SERINC2: variants seen among roughly 807,000 people sequenced by gnomAD.
SERINC2 encodes serine incorporator 2, also known as tumor differentially expressed protein 2.
SERINC2 carries 56 observed loss-of-function variants against 54.2 expected under a neutral mutation model. The ratio of observed to expected loss-of-function variants is 1.03; its 90% CI spans 0.83 to 1.29. The LOEUF (loss-of-function observed/expected upper bound fraction) is 1.29, where lower values mean the gene tolerates loss of function less well. SERINC2 is among the 50% of genes most tolerant of loss of function. The pLI, the probability that SERINC2 is intolerant of heterozygous loss-of-function variation, is 0.00. For synonymous variants in SERINC2, 272 were observed against 253.1 expected (o/e 1.07, Z -0.71); for missense variants, 614 against 607.4 (o/e 1.01, Z -0.12).
At position 31,413,952 on chromosome 1, in the gene SERINC2, C is replaced by T. The variant is rs1640710436; in HGVS notation, c.39+648C>T. ...TTTACCGTCCTCAGTCTGGCTCGCG[C>T]TGCCTCTCAGGCACTTCCCCAGCTC... On this transcript the variant is annotated intron_variant, in intron 1 of 9. Coordinates refer to ENST00000373709, the MANE Select transcript of SERINC2 (RefSeq NM_178865.5). This position sits in a 1 kb window ranked among gnomAD's most constrained non-coding sequence, Gnocchi z 5.0. 1 of 1,527,506 alleles carries T rather than the reference C, an allele frequency of 6.5e-7. No homozygotes were observed. The highest frequency in any genetic ancestry group is 1.4e-5 in the African/African-American group (1 of 72,642). 94.6% of individuals were successfully genotyped at this position (1,527,506 alleles called of 1,614,324 possible). A position where few individuals can be genotyped will look rare whatever the true frequency, so the allele number is the denominator to read the frequency against.
At chr1:31,414,269 C>G in intron 1 of SERINC2, 2 of 1,330,006 alleles carry the variant, frequency 1.5e-6, no homozygotes, top group Non-Finnish European at 1.9e-6. Context: ...CTTTCCCCAG[C>G]CCCCCTCTCC....
At chr1:31,431,776 AATAGGGTGG>A (rs1557499667) in intron 8 of SERINC2, among the ~76,000 whole-genome samples, 17 of 6,304 alleles carry the variant, frequency 2.7e-3, no homozygotes, top group Non-Finnish European at 3.3e-3. Context: ...GGAGAGGGTG[AATAGGGTGG>A]ATAGGGTGGA....
At chr1:31,433,961 C>T in intron 9 of SERINC2, 103 bp from the exon 10 acceptor site, 1 of 1,202,040 alleles carries the variant, frequency 8.3e-7, no homozygotes, top group Middle Eastern at 2.0e-4. Context: ...AGGGTAAGAG[C>T]CAGAGTTGAA....
At chr1:31,427,390 C>T (rs1413072954) in intron 6 of SERINC2, among the ~76,000 whole-genome samples, 1 of 152,192 alleles carries the variant, frequency 6.6e-6, no homozygotes, top group Non-Finnish European at 1.5e-5. Context: ...GATCTCAGCA[C>T]ACCGGCAGCT....
Position 31,433,082 on chromosome 1 carries a change from T to C in SERINC2, c.1129T>C (p.Phe377Leu). 1.9e-6 allele frequency: 3 copies of C among 1,613,544 alleles called. No homozygotes were observed. The highest frequency in any genetic ancestry group is 2.2e-5 in the East Asian group (1 of 44,880). Residue 377 changes from phenylalanine (F) to leucine (L), a missense_variant, in exon 9 of 10, where the codon TTT becomes CTT. Transcript: ENST00000373709. ...QQVAACEGRA[F>L]DNEQDGVTYS... ...GGTGGCAGCCTGTGAGGGCCGGGCC[T>C]TTGACAACGAGCAGGACGGCGTCAC...
rs199724026 is a variant in SERINC2 at position 31,429,361 on chromosome 1, T to C, written c.872-36T>C. 222 of 1,582,816 alleles carry C rather than the reference T, an allele frequency of 1.4e-4. No homozygotes were observed. The African/African-American group carries it at 2.4e-3, about 17-fold the overall frequency. On this transcript the variant is annotated intron_variant, in intron 7 of 9. Coordinates refer to ENST00000373709, the MANE Select transcript of SERINC2 (RefSeq NM_178865.5). ...GCCACTTGGCTACCTAGGCCTGGCC[T>C]GCATGGGCTGAGGGTGATTGTGCTC...
In SERINC2 at chr1:31,433,426, G is replaced by C. The variant is rs546932659; in HGVS notation, c.1232+241G>C. Among the ~76,000 whole-genome samples, 4 of 152,222 alleles carry C rather than the reference G, an allele frequency of 2.6e-5. No individual in the cohort carries two copies. In the South Asian group the frequency reaches 8.3e-4, roughly 32 times the overall value. On this transcript the variant is annotated intron_variant, in intron 9 of 9. Transcript: ENST00000373709. ...TGAACCGGGGAAGGCACAGCAGCTG[G>C]GGCTGGACCTGTACAGGGCAGGCGG... is the stretch of plus-strand genomic sequence containing the variant.
Position 31,414,331 on chromosome 1 carries a change from C to G in SERINC2, c.39+1027C>G, listed in dbSNP as rs891171016. ...GGTTCATTCAGGCAGCCCCCTCCCC[C>G]TCTGGCCCCACACAAAGAGGCCCTG... On this transcript the variant is annotated intron_variant, in intron 1 of 9. Coordinates refer to ENST00000373709, the MANE Select transcript of SERINC2 (RefSeq NM_178865.5). The G allele has an allele frequency of 6.9e-6, 9 of 1,311,354 alleles. No homozygotes were observed. In the South Asian group the frequency reaches 1.9e-4, roughly 27 times the overall value. The allele number at this position is 1,311,354 out of a possible 1,614,324, so 81.2% of individuals were successfully genotyped here.
chr1:31,431,420 G>C (rs1450499130), intron 8 of SERINC2, among the ~76,000 whole-genome samples: 4 of 151,390 alleles, frequency 2.6e-5, no homozygotes, highest in Admixed American at 2.6e-4. Flanking sequence ...CACCACTCCT[G>C]GCCTGATTAC....
At chr1:31,429,210 A>G in intron 7 of SERINC2, 142 bp downstream of exon 7, 1 of 987,212 alleles carries the variant, frequency 1.0e-6, no homozygotes. Context: ...ATGAGATGGG[A>G]GGGCCCCGTC....
intron 5 of SERINC2, 112 bp from the exon 6 acceptor site, chr1:31,426,542 A>G (rs2148520871): frequency 1.2e-6 from 1 of 805,570 alleles, no homozygotes; most frequent in South Asian, 2.0e-5. Context: ...CAAGTGGGGA[A>G]ACTGAGAGCT....
rs527505878 is a variant in SERINC2 at position 31,432,876 on chromosome 1, G to A, written c.1014-91G>A. Reference sequence around the variant, plus strand: ...AACTCCCAGGCCCAGTAACCGGGTCGCTGGCCTCTGAGGCTCTGGGACCAT... The same window carrying A: ...AACTCCCAGGCCCAGTAACCGGGTCACTGGCCTCTGAGGCTCTGGGACCAT... On this transcript the variant is annotated intron_variant, in intron 8 of 9. Transcript: ENST00000373709. 9.1e-4 allele frequency: 890 copies of A among 982,294 alleles called. 5 individuals are homozygous for A. The African/African-American group carries it at 0.011, about 13-fold the overall frequency. 60.8% of individuals were successfully genotyped at this position (982,294 alleles called of 1,614,324 possible). A position where few individuals can be genotyped will look rare whatever the true frequency, so the allele number is the denominator to read the frequency against.
upstream of SERINC2, among the ~76,000 whole-genome samples, chr1:31,411,620 G>T (rs1161935296): frequency 6.6e-6 from 1 of 152,086 alleles, no homozygotes; most frequent in Admixed American, 6.6e-5. Context: ...TTGGGGGTGA[G>T]GGTGGTGGCT....
intron 1 of SERINC2, chr1:31,414,411 C>A: frequency 1.1e-6 from 1 of 931,948 alleles, no homozygotes; most frequent in Non-Finnish European, 1.2e-6. Context: ...TTTCCTTTGT[C>A]CCTGACGGGT....
rs1553133727 is a variant in SERINC2 at position 31,426,773 on chromosome 1, C to T, written c.730C>T (p.Leu244Phe). ...GGGCAAGGTCTTCATCAGCCTCAAC[C>T]TCACCTTCTGTGTCTGCGTGTCCAT... ...HEGKVFISLNLTFCVCVSIAA... is the reference protein window; with the variant it reads ...HEGKVFISLNFTFCVCVSIAA... Residue 244 changes from leucine to phenylalanine, a missense_variant, in exon 6 of 10, where the codon CTC becomes TTC. Transcript: ENST00000373709. 6.2e-7 allele frequency: 1 copy of T among 1,614,172 alleles called. No individual in the cohort carries two copies. The highest frequency in any genetic ancestry group is 1.1e-5 in the South Asian group (1 of 91,086).
Position 31,426,682 on chromosome 1 carries a change from C to T in SERINC2, c.639C>T (p.Tyr213=), listed in dbSNP as rs1553133665. ...TCTTCTTCTTCACTCTCCTCTTCTA[C>T]TTGCTGTCGATCGCGGCCGTGGCGC... ...AGLFFFTLLF[Y]LLSIAAVALM... Residue 213 remains tyrosine (Y), a synonymous_variant, in exon 6 of 10, where the codon TAC becomes TAT. Coordinates refer to ENST00000373709, the MANE Select transcript of SERINC2 (RefSeq NM_178865.5). 6.2e-7 allele frequency: 1 copy of T among 1,612,980 alleles called. No individual in the cohort carries two copies. Among genetic ancestry groups the T allele is most frequent in the Admixed American group, 1.7e-5 (1 of 59,982 alleles).
chr1:31,423,890 G>T (rs782807404), intron 2 of SERINC2, 36 bp downstream of exon 2: 2 of 1,601,712 alleles, frequency 1.2e-6, no homozygotes, highest in Admixed American at 1.7e-5. Flanking sequence ...GGCCTCCAGC[G>T]AGGGGCGTCA....
intron 8 of SERINC2, among the ~76,000 whole-genome samples, chr1:31,432,084 T>TAGGGTGGAGAGGGTGGACAGGGTGGAC (rs1641280379): frequency 7.4e-5 from 1 of 13,446 alleles, no homozygotes; most frequent in South Asian, 3.0e-3. Flanking sequence ...ACAGGGTGGT[T>TAGGGTGGAGAGGGTGGACAGGGTGGAC]AGGGTGGACA....
chr1:31,413,903 G>C lies in SERINC2; in HGVS notation c.39+599G>C, dbSNP rs200859410. The C allele has an allele frequency of 4.5e-5, 65 of 1,454,812 alleles. No homozygotes were observed. The highest frequency in any genetic ancestry group is 2.6e-4 in the Admixed American group (10 of 38,180). 90.1% of individuals were successfully genotyped at this position (1,454,812 alleles called of 1,614,324 possible). ...TGTCCGTCTGCCCGTCCGCCCGTCC[G>C]TCCCTCAGTCTCTCTGCGGTCCCTT... is the stretch of plus-strand genomic sequence containing the variant. On this transcript the variant is annotated intron_variant, in intron 1 of 9. Transcript: ENST00000373709. The surrounding 1 kb of genome is among the most constrained non-coding windows in gnomAD (Gnocchi z 5.0).
Sources: allele counts gnomAD v4.1 joint callset (sites outside exome capture counted in the v4.1 genomes callset), GRCh38; gene constraint gnomAD v4.1.1; non-coding constraint Gnocchi (gnomAD v3.1); transcripts MANE v1.5; gene names NCBI Gene and HGNC (gene_info 2026-07-23, HGNC 2026-07-21).